The following NIM1K variants were observed in gnomAD, a reference collection of about 807,000 sequenced individuals.
The protein encoded by NIM1K is NIM1 serine/threonine protein kinase.
Under a neutral mutation model 37.1 loss-of-function variants are expected in NIM1K, and 35 were observed. The ratio of observed to expected loss-of-function variants is 0.94; its 90% CI spans 0.72 to 1.25. The LOEUF (loss-of-function observed/expected upper bound fraction) is 1.25, where lower values mean the gene tolerates loss of function less well. Ranked by LOEUF, NIM1K falls within the 50% of genes most tolerant of loss-of-function variation. NIM1K has a pLI of 0.00. For synonymous variants in NIM1K, 234 were observed against 206.6 expected (o/e 1.13, Z -1.14); for missense variants, 564 against 548.0 (o/e 1.03, Z -0.29).
intron 1 of NIM1K, among the ~76,000 whole-genome samples, chr5:43,199,826 A>T (rs1332083566): frequency 1.3e-5 from 2 of 152,152 alleles, no homozygotes; most frequent in Non-Finnish European, 2.9e-5. Flanking sequence ...GGGTGGCCAT[A>T]TGTCCCAGTT....
Position 43,280,075 on chromosome 5 carries a change from A to T in NIM1K, c.657A>T (p.Thr219=). Residue 219 remains threonine (T), a synonymous_variant, in exon 4 of 4, where the codon ACA becomes ACT. Transcript: ENST00000326035. ...CVKVGDFGFS[T]VSKKGEMLNT... is the part of the protein sequence containing the mutation. ...AGGTGGGCGATTTTGGATTCAGCAC[A>T]GTAAGCAAAAAAGGTGAAATGCTGA... 6.2e-7 allele frequency: 1 copy of T among 1,614,240 alleles called. No homozygotes were observed. The highest frequency in any genetic ancestry group is 2.2e-5 in the East Asian group (1 of 44,878).
In NIM1K at chr5:43,280,765, T is replaced by C. The variant is rs774134578; in HGVS notation, c.*36T>C. 16 of 1,499,742 alleles carry C rather than the reference T, an allele frequency of 1.1e-5. No homozygotes were observed. Among genetic ancestry groups the C allele is most frequent in the Non-Finnish European group, 1.4e-5 (16 of 1,123,872 alleles). 92.9% of individuals were successfully genotyped at this position (1,499,742 alleles called of 1,614,324 possible). A position where few individuals can be genotyped will look rare whatever the true frequency, so the allele number is the denominator to read the frequency against. On this transcript the variant is annotated 3_prime_UTR_variant, in exon 4 of 4. Coordinates refer to ENST00000326035, the MANE Select transcript of NIM1K (RefSeq NM_153361.4). Reference sequence around the variant, plus strand: ...ACTGCTTGTAACTAACCAAGATGATTGTTGCTGCTTCTAAATTTTTTTCAA... The same window carrying C: ...ACTGCTTGTAACTAACCAAGATGATCGTTGCTGCTTCTAAATTTTTTTCAA...
In NIM1K at chr5:43,280,843, G is replaced by C. The variant is rs1365268144; in HGVS notation, c.*114G>C. On this transcript the variant is annotated 3_prime_UTR_variant, in exon 4 of 4. Coordinates refer to ENST00000326035, the MANE Select transcript of NIM1K (RefSeq NM_153361.4). ...AATTTTTAAATAAACTTAAATTTGAGATATGCATTTTTTTTCTCCAAAAAG... is the reference window on the plus strand; with the variant it reads ...AATTTTTAAATAAACTTAAATTTGACATATGCATTTTTTTTCTCCAAAAAG... 2.4e-5 allele frequency: 24 copies of C among 1,014,074 alleles called. No homozygotes were observed. The highest frequency in any genetic ancestry group is 3.2e-5 in the Non-Finnish European group (23 of 712,046). The allele number at this position is 1,014,074 out of a possible 1,614,324, so 62.8% of individuals were successfully genotyped here.
rs1752562105 is a variant in NIM1K at position 43,232,831 on chromosome 5, A to G, written c.-694-12251A>G. On this transcript the variant is annotated intron_variant, in intron 1 of 3. Coordinates refer to ENST00000326035, the MANE Select transcript of NIM1K (RefSeq NM_153361.4). Reference sequence around the variant, plus strand: ...AATTTGGTCCAAAACGAGGTCAGTGATCTCCTGGCCAATGGTGTAGTGCCT... The same window carrying G: ...AATTTGGTCCAAAACGAGGTCAGTGGTCTCCTGGCCAATGGTGTAGTGCCT... 6.8e-6 allele frequency: 7 copies of G among 1,027,904 alleles called. No homozygotes were observed. The South Asian group carries it at 7.7e-5, about 11-fold the overall frequency. The allele number at this position is 1,027,904 out of a possible 1,614,324, so 63.7% of individuals were successfully genotyped here.
intron 2 of NIM1K, among the ~76,000 whole-genome samples, chr5:43,275,071 G>A (rs939759841): frequency 6.6e-6 from 1 of 152,098 alleles, no homozygotes; most frequent in Non-Finnish European, 1.5e-5. Context: ...CTATATTCAT[G>A]ATAAAAAATA....
intron 2 of NIM1K, among the ~76,000 whole-genome samples, chr5:43,257,224 G>A (rs568830722): frequency 2.9e-4 from 44 of 152,232 alleles, no homozygotes; most frequent in African/African-American, 1.0e-3. Context: ...TTAAGAGGAA[G>A]ATTGAAGCCT....
chr5:43,262,086 A>G (rs960324827), intron 2 of NIM1K, among the ~76,000 whole-genome samples: 6 of 152,186 alleles, frequency 3.9e-5, no homozygotes, highest in Non-Finnish European at 8.8e-5. Context: ...TTTCTTGGCA[A>G]TGTGGGCTCT....
chr5:43,260,371 T>C (rs751649828), intron 2 of NIM1K, among the ~76,000 whole-genome samples: 9 of 152,196 alleles, frequency 5.9e-5, no homozygotes, highest in Non-Finnish European at 1.0e-4. Context: ...GTTTGTGATA[T>C]ATGGCTTTTG....
At chr5:43,234,952 C>T (rs1752599813) in intron 1 of NIM1K, among the ~76,000 whole-genome samples, 1 of 152,144 alleles carries the variant, frequency 6.6e-6, no homozygotes. Flanking sequence ...AAGCAAATTC[C>T]AGACATTATT....
chr5:43,202,843 T>C (rs1752051073), intron 1 of NIM1K, among the ~76,000 whole-genome samples: 1 of 152,200 alleles, frequency 6.6e-6, no homozygotes, highest in Non-Finnish European at 1.5e-5. Context: ...TTTTACAATG[T>C]TCAGTGACCT....
chr5:43,268,686 C>G (rs2112295896), intron 2 of NIM1K, among the ~76,000 whole-genome samples: 1 of 152,294 alleles, frequency 6.6e-6, no homozygotes, highest in Admixed American at 6.5e-5. Context: ...TTTATATCCA[C>G]ACCTTAGCAG....
At chr5:43,267,849 T>C (rs1753188361) in intron 2 of NIM1K, among the ~76,000 whole-genome samples, 1 of 152,216 alleles carries the variant, frequency 6.6e-6, no homozygotes, top group Admixed American at 6.5e-5. Context: ...AAATTATTGA[T>C]ACTTGTTTTG....
At chr5:43,255,114 A>T (rs1752920923) in intron 2 of NIM1K, among the ~76,000 whole-genome samples, 1 of 152,178 alleles carries the variant, frequency 6.6e-6, no homozygotes, top group Non-Finnish European at 1.5e-5. Flanking sequence ...AAGCATATAC[A>T]CTGGGCAGAA....
At chr5:43,236,454 TA>T (rs528802928) in intron 1 of NIM1K, among the ~76,000 whole-genome samples, 53 of 151,268 alleles carry the variant, frequency 3.5e-4, no homozygotes, top group African/African-American at 1.1e-3. Flanking sequence ...TGCCTCTAAA[TA>T]AAAAAAAACT....
intron 1 of NIM1K, among the ~76,000 whole-genome samples, chr5:43,221,447 CAAAAA>C (rs55658060): frequency 8.1e-6 from 1 of 124,112 alleles, no homozygotes; most frequent in African/African-American, 3.3e-5. Context: ...GAGACTGTCT[CAAAAA>C]AAAAAAAAAA....
intron 1 of NIM1K, among the ~76,000 whole-genome samples, chr5:43,216,564 T>G (rs1349839319): frequency 6.6e-6 from 1 of 152,196 alleles, no homozygotes; most frequent in Admixed American, 6.6e-5. Flanking sequence ...CAAGAAGTAT[T>G]TTGGTAACTG....
intron 1 of NIM1K, among the ~76,000 whole-genome samples, chr5:43,212,532 C>A (rs1280336115): frequency 6.6e-6 from 1 of 152,132 alleles, no homozygotes; most frequent in African/African-American, 2.4e-5. Context: ...CCAGAAGCAA[C>A]CCTGGGGCTC....
intron 2 of NIM1K, among the ~76,000 whole-genome samples, chr5:43,253,239 TG>T (rs1752895961): frequency 3.4e-5 from 5 of 147,830 alleles, no homozygotes; most frequent in Admixed American, 2.7e-4. Context: ...TGTGTGTGTG[TG>T]TGTGTGTGTG....
chr5:43,236,257 C>T (rs983802694), intron 1 of NIM1K, among the ~76,000 whole-genome samples: 1 of 151,746 alleles, frequency 6.6e-6, no homozygotes, highest in Non-Finnish European at 1.5e-5. Flanking sequence ...AGAGTGAGAT[C>T]CTGTGTCAAA....
Sources: allele counts gnomAD v4.1 joint callset (sites outside exome capture counted in the v4.1 genomes callset), GRCh38; gene constraint gnomAD v4.1.1; transcripts MANE v1.5; gene names NCBI Gene and HGNC (gene_info 2026-07-23, HGNC 2026-07-21).